Variants in ELMOD2 observed in about 807,000 individuals in gnomAD.
The protein encoded by ELMOD2 is ELMO domain containing 2.
A neutral mutation model predicts 41.0 loss-of-function variants in ELMOD2; 28 were observed. The ratio of observed to expected loss-of-function variants is 0.68; its 90% confidence interval spans 0.51 to 0.94. The LOEUF (loss-of-function observed/expected upper bound fraction) is 0.94. Ranked by LOEUF, ELMOD2 falls within the 40% of genes least tolerant of loss-of-function variation. The probability of loss-of-function intolerance (pLI) is 0.00; values close to 1 mark genes in which losing one functional copy is unlikely to be tolerated. For synonymous variants in ELMOD2, 106 were observed against 107.2 expected (o/e 0.99, Z 0.07); for missense variants, 333 against 343.1 (o/e 0.97, Z 0.23).
At chr4:140,532,169 T>G (rs1560825342) in intron 3 of ELMOD2, among the ~76,000 whole-genome samples, 3 of 150,716 alleles carry the variant, frequency 2.0e-5, no homozygotes, top group South Asian at 4.2e-4. Flanking sequence ...TTGAGTTGTT[T>G]TTTTTTTTTT....
In ELMOD2 at chr4:140,552,296, G is replaced by A. The variant is rs1042543997; in HGVS notation, c.*1921G>A. ...TTTTAAGTAAGTTTTTTCCCTTCTAGGAAGAAAAACTATGATGATGTTAAG... is the reference window on the plus strand; with the variant it reads ...TTTTAAGTAAGTTTTTTCCCTTCTAAGAAGAAAAACTATGATGATGTTAAG... On this transcript the variant is annotated 3_prime_UTR_variant, in exon 9 of 9. Coordinates refer to ENST00000323570, the MANE Select transcript of ELMOD2 (RefSeq NM_153702.4). 17 of 151,920 alleles carry A rather than the reference G, an allele frequency of 1.1e-4. No homozygotes were observed. The allele number at this position is 151,920 out of a possible 1,614,324, so 9.4% of individuals were successfully genotyped here. A position where few individuals can be genotyped will look rare whatever the true frequency, so the allele number is the denominator to read the frequency against.
At chr4:140,543,262 A>G (rs1184970541) in intron 7 of ELMOD2, among the ~76,000 whole-genome samples, 191 bp from the exon 8 acceptor site, 1 of 152,020 alleles carries the variant, frequency 6.6e-6, no homozygotes, top group Non-Finnish European at 1.5e-5. Flanking sequence ...TTATATCCAG[A>G]AAAATATACA....
At chr4:140,534,898 GT>G (rs1485457331) in intron 3 of ELMOD2, among the ~76,000 whole-genome samples, 2 of 152,258 alleles carry the variant, frequency 1.3e-5, no homozygotes. Context: ...GATTTTTAAT[GT>G]TTTAGGAGTT....
chr4:140,542,467 T>C lies in ELMOD2; in HGVS notation c.534-107T>C. 5 of 736,716 alleles carry C rather than the reference T, an allele frequency of 6.8e-6. 1 individual carries two copies. The highest frequency in any genetic ancestry group is 6.0e-5 in the South Asian group (3 of 49,872). The allele number at this position is 736,716 out of a possible 1,614,324, so 45.6% of individuals were successfully genotyped here. On this transcript the variant is annotated intron_variant, in intron 6 of 8. Transcript: ENST00000323570. ...TTTGAGACAGATATCAGGATACTCA[T>C]GGCAATACTAGGACTATGATTTTGA...
At chr4:140,530,525 C>T (rs1241656580) in intron 3 of ELMOD2, among the ~76,000 whole-genome samples, 1 of 152,178 alleles carries the variant, frequency 6.6e-6, no homozygotes, top group East Asian at 1.9e-4. Context: ...CATTTTTTAC[C>T]TCTGTTTCTT....
At position 140,542,618 on chromosome 4, in the gene ELMOD2, C is replaced by T; in HGVS notation, c.578C>T (p.Ser193Phe). The T allele has an allele frequency of 6.2e-7, 1 of 1,605,180 alleles. No individual in the cohort carries two copies. Among genetic ancestry groups the T allele is most frequent in the South Asian group, 1.1e-5 (1 of 89,626 alleles). Residue 193 changes from serine (S) to phenylalanine (F), a missense_variant, in exon 7 of 9, where the codon TCC (serine) becomes TTC (phenylalanine). Physicochemically the swap from Ser to Phe is radical, Grantham distance 155 (BLOSUM62 -2). Transcript: ENST00000323570. ...NYTSEAHQIL[S>F]RSNHPKLGYS... ...ACTAGTGAAGCTCATCAGATTCTTT[C>T]CCGTTCAAATCATCCAAAATTAGGG...
Position 140,528,874 on chromosome 4 carries a change from G to A in ELMOD2, c.171+1380G>A, listed in dbSNP as rs148086784. Reference sequence around the variant, plus strand: ...GTGATTAATATATTTTTTAAAATGAGGATGTGGAGGTCCTGAAAGCTAACA... The same window carrying A: ...GTGATTAATATATTTTTTAAAATGAAGATGTGGAGGTCCTGAAAGCTAACA... On this transcript the variant is annotated intron_variant, in intron 3 of 8. Transcript: ENST00000323570. Among the ~76,000 whole-genome samples, 496 of 152,314 alleles carry A rather than the reference G, an allele frequency of 3.3e-3. 2 individuals are homozygous for A. The highest frequency in any genetic ancestry group is 0.012 in the African/African-American group (481 of 41,564).
chr4:140,532,572 A>G (rs1163661225), intron 3 of ELMOD2, among the ~76,000 whole-genome samples: 1 of 152,218 alleles, frequency 6.6e-6, no homozygotes, highest in Non-Finnish European at 1.5e-5. Flanking sequence ...GTTTTGACAG[A>G]ATTCAGTACC....
At chr4:140,545,503 C>G (rs1185003922) in intron 8 of ELMOD2, among the ~76,000 whole-genome samples, 2 of 152,168 alleles carry the variant, frequency 1.3e-5, no homozygotes, top group African/African-American at 4.8e-5. Flanking sequence ...GATCCTTTTT[C>G]TCCCTTAATG....
At chr4:140,544,732 G>A (rs1735217449) in intron 8 of ELMOD2, among the ~76,000 whole-genome samples, 1 of 152,006 alleles carries the variant, frequency 6.6e-6, no homozygotes, top group Non-Finnish European at 1.5e-5. Context: ...GCTCTCTCTT[G>A]ACTCTGTGCC....
At chr4:140,527,047 C>T (rs1034987428) in intron 2 of ELMOD2, among the ~76,000 whole-genome samples, 15 of 152,120 alleles carry the variant, frequency 9.9e-5, no homozygotes, top group African/African-American at 2.9e-4. Context: ...ATTTGTTGTA[C>T]GATTTGGTTG....
At chr4:140,527,645 A>T in intron 3 of ELMOD2, 151 bp downstream of exon 3, 1 of 603,896 alleles carries the variant, frequency 1.7e-6, no homozygotes, top group Non-Finnish European at 2.9e-6. Context: ...GTTTTCAAAC[A>T]TTTCTCTATA....
intron 3 of ELMOD2, among the ~76,000 whole-genome samples, chr4:140,533,840 GTGTA>G (rs947043712): frequency 7.3e-4 from 111 of 152,198 alleles, no homozygotes; most frequent in African/African-American, 2.4e-3. Flanking sequence ...GTGTGTGTGT[GTGTA>G]TGTATACACA....
intron 3 of ELMOD2, among the ~76,000 whole-genome samples, chr4:140,534,919 T>C (rs1361220416): frequency 6.6e-6 from 1 of 152,170 alleles, no homozygotes; most frequent in Non-Finnish European, 1.5e-5. Flanking sequence ...TTGTAATACA[T>C]GCAAAAGGTA....
intron 3 of ELMOD2, among the ~76,000 whole-genome samples, chr4:140,530,968 A>G (rs1242896154): frequency 6.6e-6 from 1 of 152,162 alleles, no homozygotes; most frequent in East Asian, 1.9e-4. Context: ...ATTCATACCC[A>G]CATAGTTGTT....
intron 5 of ELMOD2, 21 bp downstream of exon 5, chr4:140,537,562 T>A (rs1384149251): frequency 6.3e-7 from 1 of 1,597,668 alleles, no homozygotes; most frequent in African/African-American, 1.4e-5. Context: ...GTTTTCTTTA[T>A]GTGGAGTTGT....
intron 2 of ELMOD2, among the ~76,000 whole-genome samples, chr4:140,526,173 G>C (rs1578753313): frequency 6.6e-6 from 1 of 152,120 alleles, no homozygotes; most frequent in East Asian, 1.9e-4. Context: ...CCCAGTAATT[G>C]TTTATATTCT....
At chr4:140,547,139 G>T (rs988550650) in intron 8 of ELMOD2, among the ~76,000 whole-genome samples, 2 of 152,036 alleles carry the variant, frequency 1.3e-5, no homozygotes, top group Non-Finnish European at 2.9e-5. Context: ...ATACTTTTTT[G>T]GTAGAGGAGT....
At chr4:140,536,975 T>A (rs1447978180) in intron 4 of ELMOD2, among the ~76,000 whole-genome samples, 1 of 152,120 alleles carries the variant, frequency 6.6e-6, no homozygotes, top group Non-Finnish European at 1.5e-5. Context: ...TGGGTAGCGA[T>A]GTCATTAATA....
Sources: gnomAD v4.1 joint callset for allele counts (sites outside exome capture counted in the v4.1 genomes callset) on GRCh38, gnomAD v4.1.1 for gene constraint, MANE v1.5 for transcripts, NCBI Gene and HGNC (gene_info 2026-07-23, HGNC 2026-07-21) for gene names.